ARID1B: variants seen among roughly 807,000 people sequenced by gnomAD.
ARID1B encodes AT-rich interactive domain-containing protein 1B.
A neutral mutation model predicts 212.3 loss-of-function variants in ARID1B; 30 were observed. That is an observed-to-expected ratio of 0.14 (90% CI 0.11 to 0.19). The LOEUF (loss-of-function observed/expected upper bound fraction) is 0.19. ARID1B is among the 10% of genes least tolerant of loss of function. The pLI, the probability that ARID1B is intolerant of heterozygous loss-of-function variation, is 1.00. For synonymous variants in ARID1B, 1,402 were observed against 1,301.7 expected, an observed-to-expected ratio of 1.08 and a Z score of -1.66; for missense variants, 2,891 against 3,204.0, an observed-to-expected ratio of 0.90 and a Z score of 2.36.
chr6:156,962,549 C>T (rs1029914472), intron 4 of ARID1B, among the ~76,000 whole-genome samples: 4 of 151,970 alleles, frequency 2.6e-5, no homozygotes, highest in Non-Finnish European at 5.9e-5. Flanking sequence ...AGCTTAATCA[C>T]AGCACAATCA....
At chr6:157,202,311 G>C (rs1053613822) in intron 18 of ARID1B, among the ~76,000 whole-genome samples, 1 of 152,138 alleles carries the variant, frequency 6.6e-6, no homozygotes, top group African/African-American at 2.4e-5. Context: ...TAATAGATCT[G>C]AGTTATATTA....
At chr6:156,868,017 A>G (rs1333006937) in intron 2 of ARID1B, among the ~76,000 whole-genome samples, 5 of 152,174 alleles carry the variant, frequency 3.3e-5, no homozygotes, top group Non-Finnish European at 7.4e-5. Flanking sequence ...GCTCTTCCTC[A>G]CAGTGGGGAT....
intron 2 of ARID1B, among the ~76,000 whole-genome samples, chr6:156,849,603 GT>G: frequency 6.6e-6 from 1 of 152,258 alleles, no homozygotes; most frequent in East Asian, 1.9e-4. Context: ...GTCTTTGCAT[GT>G]TTTTCTGTCC....
intron 4 of ARID1B, among the ~76,000 whole-genome samples, chr6:157,028,353 A>T (rs1001027961): frequency 6.6e-6 from 1 of 152,208 alleles, no homozygotes; most frequent in South Asian, 2.1e-4. Context: ...ATTAATTTGA[A>T]TTATACAGAA....
In ARID1B at chr6:156,779,179, C is replaced by T; in HGVS notation, c.1499C>T (p.Pro500Leu). 7.4e-7 allele frequency: 1 copy of T among 1,342,852 alleles called. No individual in the cohort carries two copies. The allele number at this position is 1,342,852 out of a possible 1,614,324, so 83.2% of individuals were successfully genotyped here. The change falls in exon 1 of 20, where the codon CCG (proline) becomes CTG (leucine). Residue 500 changes from proline to leucine, a missense_variant. By Grantham distance (98) the Pro-to-Leu change is moderately conservative. Coordinates refer to ENST00000636930, the MANE Select transcript of ARID1B (RefSeq NM_001374828.1). ...GQNQHPSGATPTLNQLLTSPS... is the reference protein window; with the variant it reads ...GQNQHPSGATLTLNQLLTSPS... ...AACCAGCACCCGTCGGGGGCCACCCCGACCCTCAATCAGCTGCTCACCTCG... is the reference window on the plus strand; with the variant it reads ...AACCAGCACCCGTCGGGGGCCACCCTGACCCTCAATCAGCTGCTCACCTCG...
At chr6:156,799,697 C>T (rs373594762) in intron 1 of ARID1B, among the ~76,000 whole-genome samples, 4 of 152,124 alleles carry the variant, frequency 2.6e-5, no homozygotes, top group South Asian at 2.1e-4. Context: ...AGGCTGGTCT[C>T]GAACTCGTGA....
rs75785293 is a variant in ARID1B, at chr6:156,932,144, A to G, written c.2137-3322A>G. 1.4e-3 allele frequency among the ~76,000 whole-genome samples: 138 copies of G among 95,206 alleles called. 1 individual carries two copies. Among genetic ancestry groups the G allele is most frequent in the African/African-American group, 7.1e-3 (116 of 16,298 alleles). The allele number at this position is 95,206 out of a possible 152,430, so 62.5% of individuals were successfully genotyped here. A position where few individuals can be genotyped will look rare whatever the true frequency, so the allele number is the denominator to read the frequency against. ...GACCTTGTTTCTTAAAAAAAAAAAA[A>G]AGGGGGGGGGCGGGGTGAAGAAATA... On this transcript the variant is annotated intron_variant, in intron 3 of 19. Coordinates refer to ENST00000636930, the MANE Select transcript of ARID1B (RefSeq NM_001374828.1).
rs11961717 is a variant in ARID1B at position 156,994,514 on chromosome 6, C to G, written c.2247+58938C>G. On this transcript the variant is annotated intron_variant, in intron 4 of 19. Coordinates refer to ENST00000636930, the MANE Select transcript of ARID1B (RefSeq NM_001374828.1). The stretch of plus-strand genomic sequence containing the variant: ...AAAACAAATATACAAAAAAAAATAC[C>G]TTTATAAAATGCTTTTCCTAGGTAA... Among the ~76,000 whole-genome samples the G allele has an allele frequency of 4.4e-3, 671 of 152,140 alleles. 5 individuals carry two copies. Among genetic ancestry groups the G allele is most frequent in the African/African-American group, 0.015 (639 of 41,484 alleles).
At chr6:156,850,046 C>T (rs1019354051) in intron 2 of ARID1B, among the ~76,000 whole-genome samples, 2 of 148,664 alleles carry the variant, frequency 1.3e-5, no homozygotes, top group Admixed American at 6.8e-5. Flanking sequence ...CAACTTTAAG[C>T]ACATAGTTAC....
chr6:156,942,868 C>A (rs923446951), intron 4 of ARID1B: 2 of 152,222 alleles, frequency 1.3e-5, no homozygotes, highest in African/African-American at 4.8e-5. Context: ...TGGGAAATAG[C>A]TTTTAATTTA....
intron 4 of ARID1B, among the ~76,000 whole-genome samples, chr6:156,962,547 C>T (rs1319842796): frequency 2.6e-5 from 4 of 151,866 alleles, no homozygotes; most frequent in Admixed American, 6.5e-5. Flanking sequence ...ACAGCTTAAT[C>T]ACAGCACAAT....
chr6:157,185,809 G>A (rs1480857392), intron 13 of ARID1B: 1 of 152,138 alleles, frequency 6.6e-6, no homozygotes, highest in East Asian at 1.9e-4. Flanking sequence ...ATACGTTTTA[G>A]GCCCAAAGTG....
At chr6:157,122,196 C>T (rs1787771045) in intron 6 of ARID1B, among the ~76,000 whole-genome samples, 1 of 151,718 alleles carries the variant, frequency 6.6e-6, no homozygotes, top group South Asian at 2.1e-4. Context: ...TGTCTCTTGG[C>T]TTAGTCTTTA....
chr6:157,087,503 C>T (rs77881567), intron 5 of ARID1B, among the ~76,000 whole-genome samples: 7,299 of 152,226 alleles, frequency 0.048, 456 homozygotes, highest in East Asian at 0.24. Context: ...TGTCACTGCA[C>T]GTGAGACAGG....
chr6:157,204,430 T>C (rs1794311130), intron 19 of ARID1B: 1 of 156,440 alleles, frequency 6.4e-6, no homozygotes, highest in African/African-American at 2.4e-5. Flanking sequence ...TAAAAAGATA[T>C]TCAAGATTTA....
chr6:156,977,500 C>T (rs1398538651), intron 4 of ARID1B, among the ~76,000 whole-genome samples: 1 of 151,986 alleles, frequency 6.6e-6, no homozygotes, highest in African/African-American at 2.4e-5. Context: ...TTTAGAAGTT[C>T]AATTTGGGTT....
intron 15 of ARID1B, chr6:157,193,380 T>G (rs538008295): frequency 6.6e-6 from 1 of 152,374 alleles, no homozygotes; most frequent in African/African-American, 2.4e-5. Context: ...TTTAGTTTAC[T>G]GAGTATCTCA....
chr6:157,038,514 AAAATT>A (rs1428845346), intron 4 of ARID1B, among the ~76,000 whole-genome samples: 1 of 152,206 alleles, frequency 6.6e-6, no homozygotes, highest in Non-Finnish European at 1.5e-5. Context: ...ATATATGAAG[AAAATT>A]AAATTAATAC....
intron 4 of ARID1B, among the ~76,000 whole-genome samples, chr6:157,052,788 C>T (rs6902561): frequency 0.051 from 7,733 of 152,218 alleles, 341 homozygotes; most frequent in African/African-American, 0.12. Context: ...GGCGGAGTCT[C>T]GGCTCACTGC....
Sources: allele counts gnomAD v4.1 joint callset (sites outside exome capture counted in the v4.1 genomes callset), GRCh38; gene constraint gnomAD v4.1.1; transcripts MANE v1.5; gene names NCBI Gene and HGNC (gene_info 2026-07-23, HGNC 2026-07-21).